Variants in REPS2 observed in about 807,000 individuals in gnomAD.
The protein encoded by REPS2 is ralBP1-associated Eps domain-containing protein 2.
Under a neutral mutation model 53.6 loss-of-function variants are expected in REPS2, and 23 were observed. The ratio of observed to expected loss-of-function variants is 0.43; its 90% confidence interval spans 0.31 to 0.61. The LOEUF is 0.61. Ranked by LOEUF, REPS2 falls within the 20% of genes least tolerant of loss-of-function variation. REPS2 has a pLI of 0.11. For synonymous variants in REPS2, 238 were observed against 218.6 expected (o/e 1.09, Z -0.78); for missense variants, 446 against 534.9 (o/e 0.83, Z 1.64).
At chrX:17,180,617 C>T in the REPS2 span, among the ~76,000 whole-genome samples, 8 of 99,127 alleles carry the variant, frequency 8.1e-5, no homozygotes, top group South Asian at 3.2e-3. Flanking sequence ...TTCTCTCTCT[C>T]TCTCTCTCAC....
chrX:16,951,559 A>ACACACACACACCCCCC (rs879259718), intron 1 of REPS2, among the ~76,000 whole-genome samples: 1 of 37,477 alleles, frequency 2.7e-5, no homozygotes, highest in African/African-American at 9.0e-5. Context: ...ACACACACAC[A>ACACACACACACCCCCC]CCCCCGCTAC....
intron 1 of REPS2, among the ~76,000 whole-genome samples, chrX:16,951,553 ACACACAC>A (rs1343553915): frequency 0.033 from 909 of 27,489 alleles, 35 homozygotes; most frequent in East Asian, 0.22. Context: ...ACACACACAC[ACACACAC>A]CCCCGCTACC....
chrX:16,947,106 C>T lies in REPS2; in HGVS notation c.245C>T (p.Ser82Leu). 1 of 1,096,837 alleles carries T rather than the reference C, an allele frequency of 9.1e-7. No individual in the cohort carries two copies. 90.4% of individuals were successfully genotyped at this position (1,096,837 alleles called of 1,213,427 possible). A position where few individuals can be genotyped will look rare whatever the true frequency, so the allele number is the denominator to read the frequency against. The change falls in exon 1 of 18, where the codon TCG becomes TTG. Residue 82 changes from serine to leucine, a missense_variant. Ser to Leu is a moderately radical substitution (Grantham distance 145). Coordinates refer to ENST00000357277, the MANE Select transcript of REPS2 (RefSeq NM_004726.3). ...AGPVADLFRASQLPAETLHQI... is the reference protein window; with the variant it reads ...AGPVADLFRALQLPAETLHQI... The stretch of plus-strand genomic sequence containing the variant: ...CCCGTGGCTGACCTGTTTCGGGCAT[C>T]GCAGCTGCCCGCCGAGACGCTGCAC...
At chrX:17,066,787 C>A (rs1677961988) in intron 9 of REPS2, among the ~76,000 whole-genome samples, 1 of 111,729 alleles carries the variant, frequency 9.0e-6, no homozygotes, top group Non-Finnish European at 1.9e-5. Flanking sequence ...GCAGGAGAAT[C>A]ACTTGAACCT....
intron 1 of REPS2, among the ~76,000 whole-genome samples, chrX:17,003,046 T>G (rs1353188975): frequency 8.9e-6 from 1 of 111,828 alleles, no homozygotes; most frequent in Non-Finnish European, 1.9e-5. Context: ...ATTGAGCTAC[T>G]GAGCATATAG....
intron 2 of REPS2, among the ~76,000 whole-genome samples, chrX:17,008,074 A>G (rs995096025): frequency 8.9e-6 from 1 of 112,321 alleles, no homozygotes; most frequent in African/African-American, 3.2e-5. Flanking sequence ...ATCTCTTGGT[A>G]TGACAGAATT....
At chrX:17,027,867 G>A (rs1317424417) in intron 4 of REPS2, among the ~76,000 whole-genome samples, 1 of 110,688 alleles carries the variant, frequency 9.0e-6, no homozygotes, top group Non-Finnish European at 1.9e-5. Context: ...GGAGCCAGAA[G>A]TCAGACAATT....
intron 5 of REPS2, among the ~76,000 whole-genome samples, chrX:17,042,269 C>A (rs1315747870): frequency 8.9e-6 from 1 of 111,807 alleles, no homozygotes; most frequent in African/African-American, 3.3e-5. Context: ...GGGGAGGCCT[C>A]TTTAGGGTGC....
At position 16,963,146 on chromosome X, in the gene REPS2, G is replaced by A. The variant is rs774760881; in HGVS notation, c.273+16012G>A. ...AATAGTTGTATGTGTATATGTATAC[G>A]TTCAGGATTTGTTCTATTTGTTTTC... On this transcript the variant is annotated intron_variant, in intron 1 of 17. Transcript: ENST00000357277. 4.5e-5 allele frequency among the ~76,000 whole-genome samples: 5 copies of A among 111,432 alleles called. No individual in the cohort carries two copies. The East Asian group carries it at 1.1e-3, about 25-fold the overall frequency.
chrX:17,126,218 C>T (rs1029336907), intron 14 of REPS2, among the ~76,000 whole-genome samples: 22 of 110,898 alleles, frequency 2.0e-4, no homozygotes, highest in African/African-American at 7.2e-4. Context: ...GAGAAGGGAC[C>T]CCCTTCTGGC....
the REPS2 span, among the ~76,000 whole-genome samples, chrX:17,185,964 T>C: frequency 9.0e-5 from 10 of 111,646 alleles, no homozygotes; most frequent in African/African-American, 3.3e-4. Flanking sequence ...AAAAAAATCT[T>C]CTTAAATTGG....
At chrX:16,965,239 G>A (rs1307000478) in intron 1 of REPS2, among the ~76,000 whole-genome samples, 10 of 80,852 alleles carry the variant, frequency 1.2e-4, no homozygotes, top group East Asian at 9.4e-4. Flanking sequence ...CTCACTTCCC[G>A]GACGGGGCGG....
At chrX:17,018,535 T>C (rs2061529750) in intron 2 of REPS2, among the ~76,000 whole-genome samples, 1 of 109,554 alleles carries the variant, frequency 9.1e-6, no homozygotes, top group Admixed American at 9.8e-5. Flanking sequence ...TCTTGATGCC[T>C]CATATAAGTG....
chrX:17,078,566 G>A (rs992259965), intron 13 of REPS2, among the ~76,000 whole-genome samples: 5 of 112,098 alleles, frequency 4.5e-5, no homozygotes, highest in African/African-American at 1.6e-4. Context: ...ATGTAGGGTG[G>A]GAGTAACCAC....
intron 14 of REPS2, among the ~76,000 whole-genome samples, chrX:17,126,717 C>CT (rs1183142306): frequency 2.3e-4 from 26 of 110,888 alleles, no homozygotes; most frequent in African/African-American, 6.9e-4. Flanking sequence ...TATCCCACCA[C>CT]TTTTTTTTTG....
chrX:17,093,178 ATATATATATATATATATATATAAT>A (rs1447361474), intron 13 of REPS2, among the ~76,000 whole-genome samples: 1 of 11,178 alleles, frequency 8.9e-5, no homozygotes, highest in Non-Finnish European at 1.5e-4. Flanking sequence ...ATATATATAT[ATATATATATATATATATATATAAT>A]TTTTTTTTTG....
chrX:17,128,795 G>C (rs1472377416), intron 14 of REPS2, among the ~76,000 whole-genome samples: 1 of 112,446 alleles, frequency 8.9e-6, no homozygotes, highest in Non-Finnish European at 1.9e-5. Flanking sequence ...CACTGTCTAA[G>C]TCCAGGATTT....
intron 1 of REPS2, among the ~76,000 whole-genome samples, chrX:16,968,671 A>T (rs1935296199): frequency 1.1e-5 from 1 of 89,078 alleles, no homozygotes; most frequent in Admixed American, 1.2e-4. Context: ...TCCCTCCCAG[A>T]CGGGGCGGCT....
rs775450562 is a variant in REPS2, at chrX:17,074,203, C to T, written c.1379+44C>T. The T allele has an allele frequency of 4.5e-6, 5 of 1,116,610 alleles. No individual in the cohort carries two copies. In the South Asian group the frequency reaches 7.8e-5, roughly 17 times the overall value. 92.0% of individuals were successfully genotyped at this position (1,116,610 alleles called of 1,213,427 possible). A position where few individuals can be genotyped will look rare whatever the true frequency, so the allele number is the denominator to read the frequency against. The stretch of plus-strand genomic sequence containing the variant: ...CTGCTTTAATGCCCTTTGTGCCGTG[C>T]CCCTGCCTAGAAATAAGAACCACAA... On this transcript the variant is annotated intron_variant, in intron 12 of 17. Transcript: ENST00000357277.
Sources: gnomAD v4.1 joint callset for allele counts (sites outside exome capture counted in the v4.1 genomes callset) on GRCh38, gnomAD v4.1.1 for gene constraint, MANE v1.5 for transcripts, NCBI Gene and HGNC (gene_info 2026-07-23, HGNC 2026-07-21) for gene names.